The following RSPO2 variants were observed in gnomAD, a reference collection of about 807,000 sequenced individuals.
RSPO2 encodes R-spondin-2.
In RSPO2, 14 loss-of-function variants were observed where a neutral mutation model predicts 30.9. The ratio of observed to expected loss-of-function variants is 0.45; its 90% CI spans 0.30 to 0.71. The LOEUF is 0.71. RSPO2 is among the 30% of genes least tolerant of loss of function. The pLI is 0.08. For synonymous variants in RSPO2, 107 were observed against 96.4 expected (o/e 1.11, Z -0.64); for missense variants, 264 against 301.9 (o/e 0.87, Z 0.93).
chr8:107,994,751 C>A (rs192630047), intron 2 of RSPO2, among the ~76,000 whole-genome samples: 3 of 152,166 alleles, frequency 2.0e-5, no homozygotes, highest in Admixed American at 2.0e-4. Flanking sequence ...AAATAGAAAA[C>A]TCATCAATTA....
At chr8:107,941,575 T>C (rs1167007484) in intron 5 of RSPO2, among the ~76,000 whole-genome samples, 1 of 152,208 alleles carries the variant, frequency 6.6e-6, no homozygotes, top group African/African-American at 2.4e-5. Flanking sequence ...ATGAAAGCTA[T>C]CATAAATTAC....
chr8:107,913,422 T>G (rs1811882504), intron 5 of RSPO2, among the ~76,000 whole-genome samples: 1 of 152,210 alleles, frequency 6.6e-6, no homozygotes, highest in Non-Finnish European at 1.5e-5. Context: ...GTATATTTTG[T>G]TATTCCTACA....
At chr8:107,997,350 G>T (rs191305117) in intron 2 of RSPO2, 2 of 152,942 alleles carry the variant, frequency 1.3e-5, no homozygotes, top group Admixed American at 1.3e-4. Context: ...CAAGTGTGCA[G>T]GTGGATAAAC....
chr8:107,955,283 C>CG (rs1563537555), intron 5 of RSPO2, among the ~76,000 whole-genome samples: 1 of 152,126 alleles, frequency 6.6e-6, no homozygotes, highest in East Asian at 1.9e-4. Context: ...ACCTATCCCC[C>CG]CCTAAATCCT....
At chr8:107,921,517 G>T (rs911105600) in intron 5 of RSPO2, among the ~76,000 whole-genome samples, 2 of 151,946 alleles carry the variant, frequency 1.3e-5, no homozygotes, top group Non-Finnish European at 2.9e-5. Flanking sequence ...TTGTATAACA[G>T]GAAAACTATC....
chr8:108,020,340 T>C (rs1811020515), intron 2 of RSPO2, among the ~76,000 whole-genome samples: 1 of 152,180 alleles, frequency 6.6e-6, no homozygotes, highest in Non-Finnish European at 1.5e-5. Flanking sequence ...CTCCCAACTC[T>C]CACATCCATC....
intron 2 of RSPO2, among the ~76,000 whole-genome samples, chr8:108,077,468 T>C (rs1046930256): frequency 6.6e-6 from 1 of 152,104 alleles, no homozygotes; most frequent in Non-Finnish European, 1.5e-5. Context: ...CTACCCAATC[T>C]TATTCTCATT....
At chr8:107,945,269 GAC>G (rs1813023335) in intron 5 of RSPO2, among the ~76,000 whole-genome samples, 1 of 43,814 alleles carries the variant, frequency 2.3e-5, no homozygotes, top group Admixed American at 3.5e-4. Context: ...TTTTTTTTGA[GAC>G]AGAGTCTCAC....
intron 2 of RSPO2, among the ~76,000 whole-genome samples, chr8:108,050,732 T>C (rs1357677790): frequency 2.0e-5 from 3 of 152,158 alleles, no homozygotes; most frequent in Non-Finnish European, 2.9e-5. Flanking sequence ...GAACAGGACC[T>C]GAACTCTGGC....
chr8:108,059,918 G>T (rs1812394690), intron 2 of RSPO2, among the ~76,000 whole-genome samples: 1 of 149,994 alleles, frequency 6.7e-6, no homozygotes, highest in African/African-American at 2.5e-5. Context: ...CAAGTTAATG[G>T]GTGCAGCACA....
chr8:108,002,222 C>G (rs1302990588), intron 2 of RSPO2, among the ~76,000 whole-genome samples: 2 of 152,110 alleles, frequency 1.3e-5, no homozygotes, highest in Admixed American at 6.5e-5. Context: ...ATGAGCAGAT[C>G]TAAATATATA....
At chr8:107,911,761 A>AAC in intron 5 of RSPO2, among the ~76,000 whole-genome samples, 1 of 152,180 alleles carries the variant, frequency 6.6e-6, no homozygotes, top group Admixed American at 6.6e-5. Context: ...CAGTGATTCA[A>AAC]ACCAACATCT....
chr8:107,930,934 T>C (rs1812535011), intron 5 of RSPO2, among the ~76,000 whole-genome samples: 1 of 152,236 alleles, frequency 6.6e-6, no homozygotes, highest in Non-Finnish European at 1.5e-5. Context: ...CAGGATTTTA[T>C]AATCCAATTT....
chr8:108,037,547 GA>G (rs370984323), intron 2 of RSPO2, among the ~76,000 whole-genome samples: 3 of 152,324 alleles, frequency 2.0e-5, no homozygotes, highest in Non-Finnish European at 4.4e-5. Context: ...ATGAAGAAAT[GA>G]AGGTGGCTAC....
chr8:108,056,097 T>C (rs1390041008), intron 2 of RSPO2, among the ~76,000 whole-genome samples: 1 of 152,220 alleles, frequency 6.6e-6, no homozygotes, highest in East Asian at 1.9e-4. Flanking sequence ...TTAAAAACTA[T>C]GCTTGCCTGC....
rs1563559002 is a variant in RSPO2 at position 108,003,293 on chromosome 8, ATATATATATATATATATATTTTTTTT to A, written c.95-14075_95-14050del. ...TGTGTGTGTGTATATATATATATATATATATATATATATATATATTTTTTTTTTTTTTTTTTTTTTTTTTAAGTAGA... is the reference window on the plus strand; with the variant it reads ...TGTGTGTGTGTATATATATATATATATTTTTTTTTTTTTTTTTTAAGTAGA... On this transcript the variant is annotated intron_variant, in intron 2 of 5. Transcript: ENST00000276659. 2.7e-3 allele frequency among the ~76,000 whole-genome samples: 192 copies of A among 72,012 alleles called. 9 individuals are homozygous for A. The South Asian group carries it at 0.054, about 20-fold the overall frequency. The allele number at this position is 72,012 out of a possible 152,430, so 47.2% of individuals were successfully genotyped here.
chr8:107,905,131 T>G (rs1161247599), intron 5 of RSPO2, among the ~76,000 whole-genome samples: 3 of 152,080 alleles, frequency 2.0e-5, no homozygotes, highest in Admixed American at 1.3e-4. Flanking sequence ...ATTTCATTCT[T>G]TCATAAACTC....
At chr8:108,001,484 A>C (rs1054290409) in intron 2 of RSPO2, among the ~76,000 whole-genome samples, 4 of 152,206 alleles carry the variant, frequency 2.6e-5, no homozygotes, top group African/African-American at 9.7e-5. Flanking sequence ...TAATTCTCAC[A>C]GGTAATGAAA....
intron 2 of RSPO2, among the ~76,000 whole-genome samples, chr8:108,004,544 CA>C (rs1404941949): frequency 3.3e-5 from 5 of 152,202 alleles, no homozygotes; most frequent in African/African-American, 7.2e-5. Flanking sequence ...AGGAATTTGT[CA>C]CTGCTTATTG....
Sources: gnomAD v4.1 joint callset for allele counts (sites outside exome capture counted in the v4.1 genomes callset) on GRCh38, gnomAD v4.1.1 for gene constraint, MANE v1.5 for transcripts, NCBI Gene and HGNC (gene_info 2026-07-23, HGNC 2026-07-21) for gene names.